ZNF276: variants seen among roughly 807,000 people sequenced by gnomAD.
ZNF276 encodes zinc finger protein 276.
A neutral mutation model predicts 63.9 loss-of-function variants in ZNF276; 59 were observed. That is an observed-to-expected ratio of 0.92 (90% CI 0.75 to 1.15). ZNF276 has a LOEUF of 1.15. Among genes scored for constraint, ZNF276 ranks in the 50% most tolerant of loss-of-function variants. The pLI is 0.00. For missense variants in ZNF276, 1,084 were observed against 843.8 expected (o/e 1.28, Z -3.53); for synonymous variants, 496 against 348.4 (o/e 1.42, Z -4.72).
intron 9 of ZNF276, among the ~76,000 whole-genome samples, chr16:89,736,274 G>T (rs1221466225): frequency 1.3e-5 from 2 of 151,930 alleles, no homozygotes; most frequent in African/African-American, 4.8e-5. Flanking sequence ...TGATTTGCCT[G>T]CCTTGGCCTC....
intron 1 of ZNF276, among the ~76,000 whole-genome samples, 189 bp from the exon 2 acceptor site, chr16:89,722,342 C>G (rs922149025): frequency 5.9e-5 from 9 of 152,360 alleles, no homozygotes; most frequent in African/African-American, 2.2e-4. Context: ...TGAAAGATTT[C>G]TTGGACCAGC....
At position 89,739,724 on chromosome 16, in the gene ZNF276, G is replaced by A. The variant is rs967318734; in HGVS notation, c.*1478G>A. ...CAGGTACCTGTCAGCAGCTGGGAGA[G>A]GATGGGGGGGTCGACCTCTTGCAGG... On this transcript the variant is annotated 3_prime_UTR_variant, in exon 11 of 11. Coordinates refer to ENST00000443381, the MANE Select transcript of ZNF276 (RefSeq NM_001113525.2). The A allele has an allele frequency of 2.7e-6, 4 of 1,503,314 alleles. No individual in the cohort carries two copies. The South Asian group carries it at 5.1e-5, about 19-fold the overall frequency. 93.1% of individuals were successfully genotyped at this position (1,503,314 alleles called of 1,614,324 possible). A position where few individuals can be genotyped will look rare whatever the true frequency, so the allele number is the denominator to read the frequency against.
In ZNF276 at chr16:89,733,923, G is replaced by T; in HGVS notation, c.1359G>T (p.Lys453Asn). The T allele has an allele frequency of 6.2e-7, 1 of 1,613,700 alleles. No individual in the cohort carries two copies. Among genetic ancestry groups the T allele is most frequent in the African/African-American group, 1.3e-5 (1 of 75,040 alleles). ...CTCTCACCGAGTCTCTCCTTCAGAAGCACATCAAGGAGCACCACGAGGAGG... is the reference window on the plus strand; with the variant it reads ...CTCTCACCGAGTCTCTCCTTCAGAATCACATCAAGGAGCACCACGAGGAGG... ...AVYRGADGMK[K>N]HIKEHHEEVR... The change falls in exon 9 of 11, where the codon AAG (lysine) becomes AAT (asparagine). Residue 453 changes from lysine to asparagine, a missense_variant and splice_region_variant. Transcript: ENST00000443381.
chr16:89,737,960 T>G lies in ZNF276; in HGVS notation c.1575-16T>G. On this transcript the variant is annotated splice_polypyrimidine_tract_variant and intron_variant, in intron 10 of 10. Coordinates refer to ENST00000443381, the MANE Select transcript of ZNF276 (RefSeq NM_001113525.2). ...GCTGTGGCCCTCGCACCTTCTTATC[T>G]GCCTCTGTCCCCCAGGTGTGAGGTC... The G allele has an allele frequency of 1.9e-6, 3 of 1,614,130 alleles. No individual in the cohort carries two copies. Among genetic ancestry groups the G allele is most frequent in the Non-Finnish European group, 2.5e-6 (3 of 1,179,990 alleles).
Position 89,734,880 on chromosome 16 carries a change from C to T in ZNF276, c.1474+842C>T, listed in dbSNP as rs567827469. 5.3e-5 allele frequency among the ~76,000 whole-genome samples: 8 copies of T among 152,234 alleles called. No individual in the cohort carries two copies. The South Asian group carries it at 6.2e-4, about 12-fold the overall frequency. On this transcript the variant is annotated intron_variant, in intron 9 of 10. Transcript: ENST00000443381. ...ATGTTTTCAAAATGACAAACTTGGCCGGGCGTGGTGGCTCACACCTGTAAT... is the reference window on the plus strand; with the variant it reads ...ATGTTTTCAAAATGACAAACTTGGCTGGGCGTGGTGGCTCACACCTGTAAT...
Position 89,721,916 on chromosome 16 carries a change from C to G in ZNF276, c.205+71C>G, listed in dbSNP as rs930814777. Reference sequence around the variant, plus strand: ...TTGCTCGTGGGAGGAGCCGCACTGACGCCCGGAAGCCGGCGCGGCCTCTCC... The same window carrying G: ...TTGCTCGTGGGAGGAGCCGCACTGAGGCCCGGAAGCCGGCGCGGCCTCTCC... On this transcript the variant is annotated intron_variant, in intron 1 of 10. Coordinates refer to ENST00000443381, the MANE Select transcript of ZNF276 (RefSeq NM_001113525.2). 7 of 1,058,444 alleles carry G rather than the reference C, an allele frequency of 6.6e-6. No individual in the cohort carries two copies. In the African/African-American group the frequency reaches 1.2e-4, roughly 18 times the overall value. The allele number at this position is 1,058,444 out of a possible 1,614,324, so 65.6% of individuals were successfully genotyped here. A position where few individuals can be genotyped will look rare whatever the true frequency, so the allele number is the denominator to read the frequency against.
chr16:89,738,362 C>A lies in ZNF276; in HGVS notation c.*116C>A. On this transcript the variant is annotated 3_prime_UTR_variant, in exon 11 of 11. Coordinates refer to ENST00000443381, the MANE Select transcript of ZNF276 (RefSeq NM_001113525.2). ...CGGAGGGTGCTGCCCGCCCTTGGTG[C>A]TGGAGGCGGGCTTGGTGTCCGGCTC... The A allele has an allele frequency of 6.8e-7, 1 of 1,463,382 alleles. No individual in the cohort carries two copies. The highest frequency in any genetic ancestry group is 1.3e-5 in the South Asian group (1 of 74,746). 90.6% of individuals were successfully genotyped at this position (1,463,382 alleles called of 1,614,324 possible).
Position 89,738,382 on chromosome 16 carries a change from C to G in ZNF276, c.*136C>G. On this transcript the variant is annotated 3_prime_UTR_variant, in exon 11 of 11. Coordinates refer to ENST00000443381, the MANE Select transcript of ZNF276 (RefSeq NM_001113525.2). ...TGGTGCTGGAGGCGGGCTTGGTGTC[C>G]GGCTCAAGTAGCCTTCCTCTGCTCT... 1 of 1,415,384 alleles carries G rather than the reference C, an allele frequency of 7.1e-7. No individual in the cohort carries two copies. The allele number at this position is 1,415,384 out of a possible 1,614,324, so 87.7% of individuals were successfully genotyped here.
chr16:89,733,574 C>T lies in ZNF276; in HGVS notation c.1356+17C>T, dbSNP rs1165354158. 5 of 1,613,132 alleles carry T rather than the reference C, an allele frequency of 3.1e-6. No individual in the cohort carries two copies. The highest frequency in any genetic ancestry group is 1.7e-5 in the Admixed American group (1 of 59,992). ...GGCATGAAGGTGAGCACTGGCTGTG[C>T]CTGACCCAGGCCCGGCAGCTGTCAG... is the stretch of plus-strand genomic sequence containing the variant. On this transcript the variant is annotated intron_variant, in intron 8 of 10. Coordinates refer to ENST00000443381, the MANE Select transcript of ZNF276 (RefSeq NM_001113525.2).
chr16:89,730,759 AC>A lies in ZNF276; in HGVS notation c.1169+1447del, dbSNP rs551328233. ...TTGGTTCCCCAGCTGCCACCGTGAG[AC>A]CCCCCTGGGAACCCAGAAGGGCCTC... On this transcript the variant is annotated intron_variant, in intron 6 of 10. Coordinates refer to ENST00000443381, the MANE Select transcript of ZNF276 (RefSeq NM_001113525.2). Among the ~76,000 whole-genome samples the A allele has an allele frequency of 1.1e-3, 170 of 151,428 alleles. 1 individual carries two copies. The highest frequency in any genetic ancestry group is 0.011 in the Admixed American group (163 of 15,236).
At chr16:89,722,030 C>T (rs949164439) in intron 1 of ZNF276, among the ~76,000 whole-genome samples, 185 bp downstream of exon 1, 3 of 152,100 alleles carry the variant, frequency 2.0e-5, no homozygotes, top group Non-Finnish European at 2.9e-5. Context: ...TCCGTGACGC[C>T]GGCGTCGCCG....
At chr16:89,727,391 T>A (rs765179181) in intron 5 of ZNF276, 34 bp downstream of exon 5, 4 of 1,603,644 alleles carry the variant, frequency 2.5e-6, no homozygotes, top group Non-Finnish European at 3.4e-6. Context: ...AGCCTAAAAT[T>A]TCTCCTTCAA....
At position 89,733,320 on chromosome 16, in the gene ZNF276, T is replaced by G. The variant is rs530968524; in HGVS notation, c.1188T>G (p.Ser396Arg). 1 of 1,613,584 alleles carries G rather than the reference T, an allele frequency of 6.2e-7. No homozygotes were observed. The highest frequency in any genetic ancestry group is 8.5e-7 in the Non-Finnish European group (1 of 1,179,982). Residue 396 changes from serine to arginine, a missense_variant, in exon 7 of 11, where the codon AGT becomes AGG. Coordinates refer to ENST00000443381, the MANE Select transcript of ZNF276 (RefSeq NM_001113525.2). ...YPERKVSGKKSESKEAKKSEE... is the reference protein window; with the variant it reads ...YPERKVSGKKRESKEAKKSEE... ...TTTTCAGAGTCTCTGGTAAGAAGAG[T>G]GAAAGCAAAGAAGCCAAGAAGTCTG...
rs1458061374 is a variant in ZNF276, at chr16:89,738,594, G to A, written c.*348G>A. 8.7e-6 allele frequency: 14 copies of A among 1,612,920 alleles called. No individual in the cohort carries two copies. Among genetic ancestry groups the A allele is most frequent in the African/African-American group, 1.3e-5 (1 of 74,868 alleles). On this transcript the variant is annotated 3_prime_UTR_variant, in exon 11 of 11. Transcript: ENST00000443381. Reference sequence around the variant, plus strand: ...GGAGCTGGGCTGGTGTGCAGTGGCAGGTCCCGTCAGAAGAGATGAGGCTCC... The same window carrying A: ...GGAGCTGGGCTGGTGTGCAGTGGCAAGTCCCGTCAGAAGAGATGAGGCTCC...
At chr16:89,734,474 C>G (rs891946101) in intron 9 of ZNF276, among the ~76,000 whole-genome samples, 9 of 152,242 alleles carry the variant, frequency 5.9e-5, no homozygotes, top group African/African-American at 9.6e-5. Flanking sequence ...TACAGGCACC[C>G]GCAACCATGC....
chr16:89,740,095 G>A lies in ZNF276; in HGVS notation c.*1849G>A, dbSNP rs1224206064. The A allele has an allele frequency of 4.3e-6, 7 of 1,614,052 alleles. No homozygotes were observed. Among genetic ancestry groups the A allele is most frequent in the East Asian group, 2.2e-5 (1 of 44,880 alleles). ...GTGGAAAGCCTTTGGCAGGTCTGTG[G>A]TGCTCTGTAAACCGCAGGAGACCAA... is the stretch of plus-strand genomic sequence containing the variant. On this transcript the variant is annotated 3_prime_UTR_variant, in exon 11 of 11. Transcript: ENST00000443381.
chr16:89,726,166 C>T (rs1177499909), intron 4 of ZNF276, among the ~76,000 whole-genome samples: 3 of 152,048 alleles, frequency 2.0e-5, no homozygotes, highest in Non-Finnish European at 2.9e-5. Flanking sequence ...CAGGCTTGTG[C>T]CACCACACCC....
chr16:89,737,487 C>A (rs1326668305), intron 9 of ZNF276: 2 of 365,072 alleles, frequency 5.5e-6, no homozygotes, highest in East Asian at 4.7e-5. Context: ...CGCCACCGCA[C>A]TGCAGCCTGG....
rs2062076443 is a variant in ZNF276, at chr16:89,739,684, T to G, written c.*1438T>G. On this transcript the variant is annotated 3_prime_UTR_variant, in exon 11 of 11. Transcript: ENST00000443381. ...TGGGGATAGTGTGGGGCGAACAGCC[T>G]GAGCTGAGGATACCCAGGTACCTGT... The G allele has an allele frequency of 6.6e-7, 1 of 1,513,682 alleles. No homozygotes were observed. The allele number at this position is 1,513,682 out of a possible 1,614,324, so 93.8% of individuals were successfully genotyped here.
Sources: allele counts gnomAD v4.1 joint callset (sites outside exome capture counted in the v4.1 genomes callset), GRCh38; gene constraint gnomAD v4.1.1; transcripts MANE v1.5; gene names NCBI Gene and HGNC (gene_info 2026-07-23, HGNC 2026-07-21).